GRM8: variants seen among roughly 807,000 people sequenced by gnomAD.
GRM8 encodes glutamate metabotropic receptor 8.
Under a neutral mutation model 87.2 loss-of-function variants are expected in GRM8, and 47 were observed. The observed-to-expected ratio is 0.54, with a 90% CI of 0.43 to 0.69. GRM8 has a LOEUF of 0.69. Ranked by LOEUF, GRM8 falls within the 30% of genes least tolerant of loss-of-function variation. The pLI is 0.00. For missense variants in GRM8, 1,019 were observed against 1,139.2 expected (o/e 0.89, Z 1.52); for synonymous variants, 396 against 404.5 (o/e 0.98, Z 0.25).
rs552763491 is a variant in GRM8, at chr7:126,717,873, AGGAGT to A, written c.1357+51987_1357+51991del. 4.7e-3 allele frequency among the ~76,000 whole-genome samples: 716 copies of A among 152,068 alleles called. 3 individuals carry two copies. The highest frequency in any genetic ancestry group is 0.034 in the Middle Eastern group (10 of 294). On this transcript the variant is annotated intron_variant, in intron 7 of 10. Transcript: ENST00000339582. ...TCATCTAAACTCTTTGCTTATTTCTAGGAGTAACTCTTTCATAAGTACATAGTTAG... is the reference window on the plus strand; with the variant it reads ...TCATCTAAACTCTTTGCTTATTTCTAAACTCTTTCATAAGTACATAGTTAG...
chr7:127,215,562 C>T (rs1314458922), intron 2 of GRM8, among the ~76,000 whole-genome samples: 2 of 152,132 alleles, frequency 1.3e-5, no homozygotes, highest in Non-Finnish European at 2.9e-5. Flanking sequence ...GCACACACTC[C>T]CAAGGCAGCC....
chr7:126,945,150 A>G (rs1473867219), intron 3 of GRM8, among the ~76,000 whole-genome samples: 1 of 152,214 alleles, frequency 6.6e-6, no homozygotes, highest in East Asian at 1.9e-4. Context: ...GTACACAGGG[A>G]GCCATGCAAG....
At chr7:127,053,648 C>T (rs1409560332) in intron 3 of GRM8, among the ~76,000 whole-genome samples, 2 of 151,766 alleles carry the variant, frequency 1.3e-5, no homozygotes, top group Admixed American at 6.6e-5. Flanking sequence ...ATTAGCTAGG[C>T]GTAGTGGCGG....
intron 7 of GRM8, among the ~76,000 whole-genome samples, chr7:126,629,372 T>C (rs1801019954): frequency 6.6e-6 from 1 of 152,180 alleles, no homozygotes. Flanking sequence ...AAGAGTAAAA[T>C]CAGGCAGAAA....
chr7:126,708,085 G>A (rs1301478891), intron 7 of GRM8, among the ~76,000 whole-genome samples: 2 of 151,890 alleles, frequency 1.3e-5, no homozygotes, highest in East Asian at 3.9e-4. Flanking sequence ...ACCTGAATAG[G>A]CATTTCCAAA....
At chr7:126,477,585 A>AAGAAAGAG (rs1806107853) in intron 9 of GRM8, among the ~76,000 whole-genome samples, 2 of 56,674 alleles carry the variant, frequency 3.5e-5, no homozygotes, top group Admixed American at 1.6e-4. Context: ...GAAAGAGAGA[A>AAGAAAGAG]AGAAAGAAAG....
At chr7:126,696,305 G>C (rs1195784795) in intron 7 of GRM8, among the ~76,000 whole-genome samples, 1 of 152,124 alleles carries the variant, frequency 6.6e-6, no homozygotes, top group Non-Finnish European at 1.5e-5. Flanking sequence ...ATGGTGGTTT[G>C]CTGCACCTAT....
At position 126,762,773 on chromosome 7, in the gene GRM8, T is replaced by C. The variant is rs532917440; in HGVS notation, c.1357+7092A>G. Among the ~76,000 whole-genome samples, 9 of 152,094 alleles carry C rather than the reference T, an allele frequency of 5.9e-5. No homozygotes were observed. The South Asian group carries it at 1.9e-3, about 32-fold the overall frequency. ...TTTTTTCAATGAATTACTGTAAATA[T>C]AATTACTGTTAATAATTTTCTTAGA... On this transcript the variant is annotated intron_variant, in intron 7 of 10. Coordinates refer to ENST00000339582, the MANE Select transcript of GRM8 (RefSeq NM_000845.3).
chr7:126,917,373 C>CCA (rs71312846), intron 3 of GRM8, among the ~76,000 whole-genome samples: 28,296 of 147,912 alleles, frequency 0.19, 2,699 homozygotes, highest in South Asian at 0.22. Flanking sequence ...CCTCCTCCAA[C>CCA]CACACACACA....
At chr7:126,494,485 T>C (rs1380007036) in intron 9 of GRM8, among the ~76,000 whole-genome samples, 1 of 152,006 alleles carries the variant, frequency 6.6e-6, no homozygotes, top group Non-Finnish European at 1.5e-5. Flanking sequence ...TGTTAATCAT[T>C]TATATTTTTA....
At chr7:126,570,866 C>A (rs1015596761) in intron 8 of GRM8, among the ~76,000 whole-genome samples, 4 of 152,156 alleles carry the variant, frequency 2.6e-5, no homozygotes, top group Admixed American at 2.6e-4. Context: ...TTGAGATCCC[C>A]AAACCTTGGC....
intron 3 of GRM8, among the ~76,000 whole-genome samples, chr7:127,051,672 CA>C (rs1438080830): frequency 7.9e-6 from 1 of 125,894 alleles, no homozygotes; most frequent in Non-Finnish European, 1.6e-5. Flanking sequence ...ATACTACTCA[CA>C]GTTACAATGA....
intron 7 of GRM8, among the ~76,000 whole-genome samples, chr7:126,750,037 T>G (rs879612625): frequency 6.6e-6 from 1 of 152,162 alleles, no homozygotes; most frequent in Non-Finnish European, 1.5e-5. Flanking sequence ...AGAGCTGTAC[T>G]TGAACTTTCA....
At chr7:126,480,184 AG>A (rs1419575634) in intron 9 of GRM8, among the ~76,000 whole-genome samples, 2 of 152,074 alleles carry the variant, frequency 1.3e-5, no homozygotes, top group African/African-American at 4.8e-5. Context: ...CATGAGTTTG[AG>A]ACCTGCCTGG....
In GRM8 at chr7:126,446,208, C is replaced by T. The variant is rs879230597; in HGVS notation, c.2595G>A (p.Met865Ile). 1 of 1,613,056 alleles carries T rather than the reference C, an allele frequency of 6.2e-7. No homozygotes were observed. Among genetic ancestry groups the T allele is most frequent in the Non-Finnish European group, 8.5e-7 (1 of 1,179,368 alleles). The change falls in exon 10 of 11, where the codon ATG becomes ATA. Residue 865 changes from methionine (M) to isoleucine (I), a missense_variant. Physicochemically the swap from Met to Ile is conservative, Grantham distance 10 (BLOSUM62 1). Coordinates refer to ENST00000339582, the MANE Select transcript of GRM8 (RefSeq NM_000845.3). ...TTCCTTTTTGGATCAGTTTGCTTTG[C>T]ATGGTGGCAGCTGTCACCACAGCCT... ...SFKAVVTAATMQSKLIQKGND... is the reference protein window; with the variant it reads ...SFKAVVTAATIQSKLIQKGND...
chr7:126,766,867 A>G (rs1211744489), intron 7 of GRM8, among the ~76,000 whole-genome samples: 2 of 152,136 alleles, frequency 1.3e-5, no homozygotes, highest in African/African-American at 4.8e-5. Context: ...CCAATTAACA[A>G]CATAACATAG....
rs573410434 is a variant in GRM8, at chr7:126,954,555, T to C, written c.728-49872A>G. Among the ~76,000 whole-genome samples, 4 of 152,322 alleles carry C rather than the reference T, an allele frequency of 2.6e-5. No individual in the cohort carries two copies. In the South Asian group the frequency reaches 8.3e-4, roughly 32 times the overall value. ...TTTTAATTGGTATTTCCCTTCCCCC[T>C]TATGAGAAATAGGTGACTAATGCTA... is the stretch of plus-strand genomic sequence containing the variant. On this transcript the variant is annotated intron_variant, in intron 3 of 10. Coordinates refer to ENST00000339582, the MANE Select transcript of GRM8 (RefSeq NM_000845.3).
intron 6 of GRM8, among the ~76,000 whole-genome samples, chr7:126,839,981 C>A (rs1796127827): frequency 6.6e-6 from 1 of 152,174 alleles, no homozygotes; most frequent in Non-Finnish European, 1.5e-5. Context: ...AACTGCTTAA[C>A]TAAGTCTGAT....
At chr7:126,446,103 C>A (rs146609882) in intron 10 of GRM8, 23 bp downstream of exon 10, 2 of 1,612,338 alleles carry the variant, frequency 1.2e-6, no homozygotes, top group South Asian at 2.2e-5. Flanking sequence ...TCTTGACCAT[C>A]GGAAACTCTA....
Sources: gnomAD v4.1 joint callset for allele counts (sites outside exome capture counted in the v4.1 genomes callset) on GRCh38, gnomAD v4.1.1 for gene constraint, MANE v1.5 for transcripts, NCBI Gene and HGNC (gene_info 2026-07-23, HGNC 2026-07-21) for gene names.